Variants in GLIS3 observed in about 807,000 individuals in gnomAD.
GLIS3 encodes the protein zinc finger protein GLIS3.
GLIS3 carries 53 observed loss-of-function variants against 78.6 expected under a neutral mutation model. The ratio of observed to expected loss-of-function variants is 0.67; its 90% CI spans 0.54 to 0.85. The LOEUF is 0.85. GLIS3 is among the 40% of genes least tolerant of loss of function. The pLI is 0.00. For synonymous variants in GLIS3, 684 were observed against 509.9 expected, an observed-to-expected ratio of 1.34 and a Z score of -4.60; for missense variants, 1,703 against 1,231.1, an observed-to-expected ratio of 1.38 and a Z score of -5.74.
the GLIS3 span, among the ~76,000 whole-genome samples, chr9:4,488,355 T>C: frequency 1.3e-5 from 2 of 152,316 alleles, no homozygotes; most frequent in South Asian, 2.1e-4. Context: ...ACATGTGCCA[T>C]CCCATGCTGT....
At chr9:4,469,972 C>T in the GLIS3 span, among the ~76,000 whole-genome samples, 83,971 of 151,754 alleles carry the variant, frequency 0.55, 24,416 homozygotes, top group Middle Eastern at 0.66. Context: ...CCCACAGAAA[C>T]ACAAACTACC....
At chr9:3,828,457 C>T (rs202213159) in intron 10 of GLIS3, 49 bp from the exon 11 acceptor site, 291 of 1,608,180 alleles carry the variant, frequency 1.8e-4, no homozygotes, top group Non-Finnish European at 2.3e-4. Flanking sequence ...CCCCATGCCA[C>T]GCCCACTGGA....
chr9:3,854,329 C>G (rs1351365651), intron 9 of GLIS3, among the ~76,000 whole-genome samples: 2 of 152,082 alleles, frequency 1.3e-5, no homozygotes, highest in Non-Finnish European at 2.9e-5. Flanking sequence ...GTATAGCCAG[C>G]AGAAGGTAAA....
Position 4,052,134 on chromosome 9 carries a change from G to C in GLIS3, c.1710+65634C>G, listed in dbSNP as rs138313468. On this transcript the variant is annotated intron_variant, in intron 4 of 10. Transcript: ENST00000381971. ...TGTGTTTAGGTTCAGTTATATTTTG[G>C]TAAGTCCATGAAAGCCTTCTTTCAG... 7.6e-3 allele frequency among the ~76,000 whole-genome samples: 1,160 copies of C among 152,214 alleles called. 14 individuals carry two copies. The highest frequency in any genetic ancestry group is 0.027 in the African/African-American group (1,109 of 41,534).
At chr9:4,016,814 G>A (rs676601) in intron 4 of GLIS3, among the ~76,000 whole-genome samples, 1 of 151,970 alleles carries the variant, frequency 6.6e-6, no homozygotes, top group Non-Finnish European at 1.5e-5. Flanking sequence ...TCCATTGTTG[G>A]GCAAAGCCAC....
intron 2 of GLIS3, among the ~76,000 whole-genome samples, chr9:4,252,744 G>A (rs992613409): frequency 6.6e-6 from 1 of 152,276 alleles, no homozygotes; most frequent in Non-Finnish European, 1.5e-5. Flanking sequence ...CATCTTCGTG[G>A]ATTTATCTGT....
At chr9:3,921,244 G>A (rs568229048) in intron 6 of GLIS3, among the ~76,000 whole-genome samples, 1 of 152,166 alleles carries the variant, frequency 6.6e-6, no homozygotes, top group Non-Finnish European at 1.5e-5. Context: ...ACTAAGTTGT[G>A]TCCAGGAGAA....
At chr9:3,910,114 T>G (rs1824032880) in intron 6 of GLIS3, among the ~76,000 whole-genome samples, 4 of 152,272 alleles carry the variant, frequency 2.6e-5, no homozygotes, top group African/African-American at 7.2e-5. Flanking sequence ...TTGCTTCAAG[T>G]TGAACTATAA....
intron 2 of GLIS3, among the ~76,000 whole-genome samples, chr9:4,135,095 G>A (rs1833303016): frequency 6.6e-6 from 1 of 152,158 alleles, no homozygotes; most frequent in Non-Finnish European, 1.5e-5. Context: ...CCCAAATTAT[G>A]TTAGGAATTA....
chr9:4,175,618 C>T (rs968283930), intron 2 of GLIS3, among the ~76,000 whole-genome samples: 1 of 152,172 alleles, frequency 6.6e-6, no homozygotes, highest in Non-Finnish European at 1.5e-5. Context: ...AATGATCTAT[C>T]CTTCTGGGAC....
chr9:4,418,435 G>C, the GLIS3 span, among the ~76,000 whole-genome samples: 1 of 152,198 alleles, frequency 6.6e-6, no homozygotes, highest in Admixed American at 6.5e-5. Flanking sequence ...CTAAGTATTG[G>C]AAATGACTTT....
chr9:3,984,709 G>A (rs1206843599), intron 4 of GLIS3, among the ~76,000 whole-genome samples: 1 of 152,116 alleles, frequency 6.6e-6, no homozygotes, highest in Non-Finnish European at 1.5e-5. Flanking sequence ...GAGGGGCCAG[G>A]GACAGAATGA....
intron 4 of GLIS3, among the ~76,000 whole-genome samples, chr9:4,058,171 G>A (rs1406939291): frequency 6.6e-6 from 1 of 152,064 alleles, no homozygotes; most frequent in Non-Finnish European, 1.5e-5. Flanking sequence ...CCAGGATTTA[G>A]CTATGAGCCT....
At chr9:4,267,982 C>T (rs920862139) in intron 2 of GLIS3, among the ~76,000 whole-genome samples, 7 of 135,558 alleles carry the variant, frequency 5.2e-5, no homozygotes, top group African/African-American at 1.0e-4. Flanking sequence ...TGTGTATGTG[C>T]ATGTGTATAT....
intron 2 of GLIS3, among the ~76,000 whole-genome samples, chr9:4,228,598 C>T (rs556536426): frequency 3.6e-4 from 55 of 152,314 alleles, no homozygotes; most frequent in Non-Finnish European, 6.8e-4. Context: ...GCTGTAGCAT[C>T]GCAGTACAGG....
At chr9:4,468,611 G>A in the GLIS3 span, among the ~76,000 whole-genome samples, 1 of 152,184 alleles carries the variant, frequency 6.6e-6, no homozygotes, top group Non-Finnish European at 1.5e-5. Flanking sequence ...CACCAGGCCT[G>A]CCTTACAAGA....
intron 4 of GLIS3, among the ~76,000 whole-genome samples, chr9:4,102,382 T>C (rs976376424): frequency 1.3e-5 from 2 of 152,140 alleles, no homozygotes; most frequent in Admixed American, 1.3e-4. Flanking sequence ...CTGACTGAAA[T>C]CTCAGAATAA....
chr9:4,120,374 C>G (rs963918798), intron 3 of GLIS3, among the ~76,000 whole-genome samples: 1 of 152,248 alleles, frequency 6.6e-6, no homozygotes, highest in African/African-American at 2.4e-5. Flanking sequence ...GAATTTACAT[C>G]CAGTTGCCCT....
At chr9:3,969,766 G>T (rs1818242207) in intron 4 of GLIS3, among the ~76,000 whole-genome samples, 1 of 152,158 alleles carries the variant, frequency 6.6e-6, no homozygotes, top group South Asian at 2.1e-4. Context: ...CTTGTCAGAA[G>T]CCCCAGATGG....
Sources: allele counts gnomAD v4.1 joint callset (sites outside exome capture counted in the v4.1 genomes callset), GRCh38; gene constraint gnomAD v4.1.1; transcripts MANE v1.5; gene names NCBI Gene and HGNC (gene_info 2026-07-23, HGNC 2026-07-21).